Variants in ADAMTSL1 observed in about 807,000 individuals in gnomAD.
ADAMTSL1 encodes ADAMTS-like protein 1.
ADAMTSL1 carries 126 observed loss-of-function variants against 201.8 expected under a neutral mutation model. The ratio of observed to expected loss-of-function variants is 0.62; its 90% CI spans 0.54 to 0.72. The LOEUF (loss-of-function observed/expected upper bound fraction) is 0.72. Ranked by LOEUF, ADAMTSL1 falls within the 30% of genes least tolerant of loss-of-function variation. The probability of loss-of-function intolerance (pLI) is 0.00; values close to 1 mark genes in which losing one functional copy is unlikely to be tolerated. For missense variants in ADAMTSL1, 2,679 were observed against 2,277.8 expected (o/e 1.18, Z -3.59); for synonymous variants, 1,121 against 903.4 (o/e 1.24, Z -4.32).
chr9:18,439,278 C>A (rs1319841294), intron 2 of ADAMTSL1, among the ~76,000 whole-genome samples: 1 of 152,236 alleles, frequency 6.6e-6, no homozygotes, highest in African/African-American at 2.4e-5. Context: ...AACACTGTAA[C>A]ACTGAATTTG....
intron 15 of ADAMTSL1, among the ~76,000 whole-genome samples, chr9:18,751,379 C>G (rs2133601356): frequency 6.6e-6 from 1 of 152,320 alleles, no homozygotes; most frequent in East Asian, 1.9e-4. Flanking sequence ...ACAACCAAGT[C>G]TGAATCCTGG....
At chr9:18,035,941 CAA>C (rs1232187263) in intron 1 of ADAMTSL1, among the ~76,000 whole-genome samples, 3 of 152,102 alleles carry the variant, frequency 2.0e-5, no homozygotes, top group African/African-American at 7.2e-5. Context: ...TAGTGGAAAA[CAA>C]ATAGATTTGG....
chr9:18,089,947 T>C (rs2131810023), intron 1 of ADAMTSL1, among the ~76,000 whole-genome samples: 1 of 152,272 alleles, frequency 6.6e-6, no homozygotes, highest in East Asian at 1.9e-4. Flanking sequence ...ATAATTTAGG[T>C]TAAGGTTGGT....
At chr9:18,159,241 G>A (rs961601359) in intron 1 of ADAMTSL1, among the ~76,000 whole-genome samples, 2 of 151,844 alleles carry the variant, frequency 1.3e-5, no homozygotes, top group South Asian at 4.2e-4. Context: ...AGTCCTTTTG[G>A]TAGGAAAAAA....
intron 1 of ADAMTSL1, among the ~76,000 whole-genome samples, chr9:17,925,857 A>T (rs187285187): frequency 9.4e-4 from 22 of 23,498 alleles, no homozygotes; most frequent in African/African-American, 1.1e-3. Flanking sequence ...AAGTATAATT[A>T]AAAAAAAAAA....
chr9:17,937,628 C>CA (rs1827068446), intron 1 of ADAMTSL1, among the ~76,000 whole-genome samples: 1 of 1,074 alleles, frequency 9.3e-4, no homozygotes, highest in Non-Finnish European at 9.4e-3. Context: ...TTCCTAAAAT[C>CA]TTGTTGATTT....
rs555239891 is a variant in ADAMTSL1 at position 18,825,405 on chromosome 9, C to T, written c.3935-879C>T. Among the ~76,000 whole-genome samples the T allele has an allele frequency of 3.7e-4, 57 of 152,104 alleles. 1 individual carries two copies. Among genetic ancestry groups the T allele is most frequent in the Non-Finnish European group, 3.1e-4 (21 of 68,000 alleles). ...AAGAGTTGAGCACTTTCCTTTTGTC[C>T]TTTTCCTGTGGTTCTACTGATACTA... On this transcript the variant is annotated intron_variant, in intron 21 of 28. Transcript: ENST00000380548.
At chr9:18,586,962 T>G (rs890047624) in intron 4 of ADAMTSL1, among the ~76,000 whole-genome samples, 2 of 152,020 alleles carry the variant, frequency 1.3e-5, no homozygotes, top group Non-Finnish European at 2.9e-5. Flanking sequence ...GATTAAAGAC[T>G]TAAATGTAAA....
At chr9:18,634,221 C>G (rs1043291434) in intron 5 of ADAMTSL1, among the ~76,000 whole-genome samples, 4 of 151,980 alleles carry the variant, frequency 2.6e-5, no homozygotes, top group African/African-American at 9.7e-5. Flanking sequence ...TCTTATTTAA[C>G]CTAAATCCTT....
intron 1 of ADAMTSL1, among the ~76,000 whole-genome samples, chr9:18,012,916 A>G (rs1820111284): frequency 6.6e-6 from 1 of 152,046 alleles, no homozygotes; most frequent in Non-Finnish European, 1.5e-5. Context: ...GTCTCTTTTC[A>G]GTTAGGACTT....
intron 1 of ADAMTSL1, among the ~76,000 whole-genome samples, chr9:18,102,723 T>C (rs1824585423): frequency 6.6e-6 from 1 of 152,208 alleles, no homozygotes; most frequent in Admixed American, 6.5e-5. Flanking sequence ...TTTTTCTGTA[T>C]GGCATGTAAA....
intron 15 of ADAMTSL1, among the ~76,000 whole-genome samples, chr9:18,729,170 AC>A (rs1388206810): frequency 6.6e-6 from 1 of 152,204 alleles, no homozygotes; most frequent in Non-Finnish European, 1.5e-5. Flanking sequence ...GGAGGAGGAT[AC>A]AGCCCCAAGG....
At chr9:18,181,678 C>T (rs1433445367) in intron 2 of ADAMTSL1, among the ~76,000 whole-genome samples, 1 of 152,026 alleles carries the variant, frequency 6.6e-6, no homozygotes, top group East Asian at 1.9e-4. Flanking sequence ...AACACTTTTA[C>T]ACTGTTGGTG....
At chr9:18,788,885 G>A (rs981881018) in intron 19 of ADAMTSL1, among the ~76,000 whole-genome samples, 1 of 147,304 alleles carries the variant, frequency 6.8e-6, no homozygotes, top group Non-Finnish European at 1.5e-5. Flanking sequence ...TTTTTTTAGT[G>A]TTCTAAAATT....
intron 2 of ADAMTSL1, among the ~76,000 whole-genome samples, chr9:18,166,647 A>G (rs1395926487): frequency 6.6e-6 from 1 of 151,958 alleles, no homozygotes; most frequent in Non-Finnish European, 1.5e-5. Context: ...TTTGGACAGA[A>G]GTAGCATTAA....
chr9:18,791,689 C>G (rs12115464), intron 19 of ADAMTSL1, among the ~76,000 whole-genome samples: 2 of 152,090 alleles, frequency 1.3e-5, no homozygotes, highest in African/African-American at 2.4e-5. Flanking sequence ...CATGTAGATT[C>G]TGTCTTAAGA....
At chr9:18,732,382 T>C (rs951032711) in intron 15 of ADAMTSL1, among the ~76,000 whole-genome samples, 2 of 151,996 alleles carry the variant, frequency 1.3e-5, no homozygotes, top group African/African-American at 4.8e-5. Context: ...GAAAAAGGAG[T>C]ACTTGTTGGG....
intron 1 of ADAMTSL1, among the ~76,000 whole-genome samples, chr9:18,045,046 C>T (rs191191210): frequency 3.7e-4 from 57 of 152,296 alleles, no homozygotes; most frequent in African/African-American, 1.3e-3. Flanking sequence ...CAGAGTTCCA[C>T]TGTAAACTCT....
chr9:18,344,448 C>A lies in ADAMTSL1; in HGVS notation c.208-160381C>A, dbSNP rs570860473. On this transcript the variant is annotated intron_variant, in intron 2 of 29. Coordinates refer to the ADAMTSL1 transcript ENST00000680146. ...CTGTTTTTTGTTTTTTCATTAGGGGCACCTGGCCTTAATTATTTTTAATGA... is the reference window on the plus strand; with the variant it reads ...CTGTTTTTTGTTTTTTCATTAGGGGAACCTGGCCTTAATTATTTTTAATGA... Among the ~76,000 whole-genome samples the A allele has an allele frequency of 9.9e-5, 15 of 152,008 alleles. No homozygotes were observed. In the East Asian group the frequency reaches 2.3e-3, roughly 24 times the overall value.
Sources: allele counts gnomAD v4.1 joint callset (sites outside exome capture counted in the v4.1 genomes callset), GRCh38; gene constraint gnomAD v4.1.1; transcripts MANE v1.5; gene names NCBI Gene and HGNC (gene_info 2026-07-23, HGNC 2026-07-21).